TARBP1: variants seen among roughly 807,000 people sequenced by gnomAD.
The protein encoded by TARBP1 is tRNA guanosine 2 -O-methyltransferase TARBP1, also known as tRNA (guanosine(18)-2'-O)-methyltransferase TARBP1.
TARBP1 carries 144 observed loss-of-function variants against 178.6 expected under a neutral mutation model. The ratio of observed to expected loss-of-function variants is 0.81; its 90% CI spans 0.70 to 0.93. TARBP1 has a LOEUF of 0.93. Ranked by LOEUF, TARBP1 falls within the 40% of genes least tolerant of loss-of-function variation. The pLI is 0.00. For synonymous variants in TARBP1, 787 were observed against 781.0 expected (o/e 1.01, Z -0.13); for missense variants, 2,067 against 2,011.7 (o/e 1.03, Z -0.53).
chr1:234,433,199 C>A (rs1275632108), intron 14 of TARBP1, among the ~76,000 whole-genome samples: 2 of 152,166 alleles, frequency 1.3e-5, no homozygotes, highest in Admixed American at 1.3e-4. Context: ...GATGGTACCA[C>A]TGCACCCCAG....
intron 23 of TARBP1, chr1:234,407,456 C>T (rs1171406570): frequency 6.6e-6 from 1 of 151,658 alleles, no homozygotes. Context: ...TCCTGCCTCA[C>T]CTCCTGAGTA....
chr1:234,471,284 T>C, intron 2 of TARBP1, 27 bp from the exon 3 acceptor site: 1 of 1,466,642 alleles, frequency 6.8e-7, no homozygotes, highest in Non-Finnish European at 9.4e-7. Flanking sequence ...AAAAATCATA[T>C]GAAATGAAAA....
intron 26 of TARBP1, chr1:234,398,176 T>TA (rs1214609857): frequency 1.1e-5 from 4 of 351,030 alleles, no homozygotes; most frequent in Non-Finnish European, 2.0e-5. Context: ...TTTTTTTTTT[T>TA]AAATAGCTTT....
chr1:234,478,241 A>G lies in TARBP1; in HGVS notation c.863T>C (p.Leu288Pro), dbSNP rs750552069. The change falls in exon 1 of 30, where the codon CTG becomes CCG. Residue 288 changes from leucine to proline, a missense_variant. Transcript: ENST00000040877. ...CGCCGACACCTCCACCGCCCTCTGC[A>G]GCAGGTAGCGCGCTCGCTTGCGCGT... ...ALTRKRARYL[L>P]QRAVEVSAEL... 1 of 1,610,626 alleles carries G rather than the reference A, an allele frequency of 6.2e-7. No individual in the cohort carries two copies. The highest frequency in any genetic ancestry group is 8.5e-7 in the Non-Finnish European group (1 of 1,179,154).
intron 13 of TARBP1, 39 bp downstream of exon 13, chr1:234,437,231 GAATGA>G: frequency 9.6e-7 from 1 of 1,046,496 alleles, no homozygotes; most frequent in Non-Finnish European, 1.4e-6. Context: ...TTGGTGAAAA[GAATGA>G]AAGAAATGAA....
At chr1:234,440,207 C>T (rs901073741) in intron 12 of TARBP1, among the ~76,000 whole-genome samples, 2 of 151,950 alleles carry the variant, frequency 1.3e-5, no homozygotes, top group African/African-American at 4.8e-5. Context: ...TAAAGCAACA[C>T]TTGGAGGAAA....
intron 1 of TARBP1, among the ~76,000 whole-genome samples, chr1:234,477,727 T>C (rs576089254): frequency 1.4e-4 from 22 of 152,050 alleles, no homozygotes; most frequent in South Asian, 4.1e-4. Context: ...TTCAGAAGAG[T>C]GTGATGGCCT....
At chr1:234,437,516 C>G in intron 12 of TARBP1, 144 bp from the exon 13 acceptor site, 1 of 485,894 alleles carries the variant, frequency 2.1e-6, no homozygotes. Flanking sequence ...TAATCATTCA[C>G]CCCATGGGGA....
intron 10 of TARBP1, 138 bp downstream of exon 10, chr1:234,450,290 A>G (rs1255016223): frequency 1.7e-6 from 1 of 601,672 alleles, no homozygotes. Context: ...TTTTCACATT[A>G]TTTTACTGAA....
intron 3 of TARBP1, among the ~76,000 whole-genome samples, chr1:234,469,119 A>G (rs977492775): frequency 4.4e-5 from 6 of 137,506 alleles, no homozygotes; most frequent in Non-Finnish European, 7.8e-5. Flanking sequence ...CTTTCGCACC[A>G]ACCTAATAGC....
At chr1:234,452,639 G>A (rs545103882) in intron 9 of TARBP1, among the ~76,000 whole-genome samples, 19 of 152,282 alleles carry the variant, frequency 1.2e-4, no homozygotes, top group Non-Finnish European at 2.4e-4. Flanking sequence ...AGTATGGTTC[G>A]AAAGACAGCT....
At chr1:234,414,340 A>G (rs1662183711) in intron 22 of TARBP1, among the ~76,000 whole-genome samples, 1 of 152,194 alleles carries the variant, frequency 6.6e-6, no homozygotes, top group African/African-American at 2.4e-5. Flanking sequence ...AGTCATTCAC[A>G]TTAGGTAATA....
At position 234,465,635 on chromosome 1, in the gene TARBP1, CAT is replaced by C; in HGVS notation, c.1301+19_1301+20del. On this transcript the variant is annotated intron_variant, in intron 5 of 29. Coordinates refer to ENST00000040877, the MANE Select transcript of TARBP1 (RefSeq NM_005646.4). ...CATGAAATGTATGTATCAAATACTT[CAT>C]AACATAATGTCTCTTTACCTGCTAT... The C allele has an allele frequency of 6.6e-7, 1 of 1,513,026 alleles. No homozygotes were observed. Among genetic ancestry groups the C allele is most frequent in the Non-Finnish European group, 8.8e-7 (1 of 1,133,818 alleles). 93.7% of individuals were successfully genotyped at this position (1,513,026 alleles called of 1,614,324 possible).
intron 9 of TARBP1, among the ~76,000 whole-genome samples, chr1:234,451,033 A>G (rs1434414883): frequency 6.6e-6 from 1 of 152,234 alleles, no homozygotes; most frequent in Non-Finnish European, 1.5e-5. Flanking sequence ...GAGAGAATGT[A>G]GAATTTGAAA....
At chr1:234,466,521 A>C (rs942054991) in intron 4 of TARBP1, among the ~76,000 whole-genome samples, 1 of 151,820 alleles carries the variant, frequency 6.6e-6, no homozygotes, top group Non-Finnish European at 1.5e-5. Flanking sequence ...CAAAAACAAA[A>C]AAATTATATC....
At chr1:234,411,358 T>C (rs1206420595) in intron 22 of TARBP1, among the ~76,000 whole-genome samples, 1 of 152,176 alleles carries the variant, frequency 6.6e-6, no homozygotes, top group Non-Finnish European at 1.5e-5. Context: ...CCTCAGGTTT[T>C]GGCATCCGTA....
chr1:234,427,825 G>C, intron 17 of TARBP1, 59 bp from the exon 18 acceptor site: 1 of 1,221,832 alleles, frequency 8.2e-7, no homozygotes, highest in South Asian at 2.4e-5. Context: ...AATCAGTGCT[G>C]CTAAAAACTG....
At chr1:234,472,620 T>A (rs1669180049) in intron 2 of TARBP1, 94 bp downstream of exon 2, 1 of 766,472 alleles carries the variant, frequency 1.3e-6, no homozygotes, top group African/African-American at 1.8e-5. Flanking sequence ...CAGCTATATC[T>A]GAGTTAGTCT....
intron 9 of TARBP1, 121 bp downstream of exon 9, chr1:234,457,546 G>C: frequency 1.6e-6 from 1 of 613,940 alleles, no homozygotes; most frequent in East Asian, 3.6e-5. Flanking sequence ...ATATTTCAAA[G>C]TCTCTGCTGA....
Sources: gnomAD v4.1 joint callset for allele counts (sites outside exome capture counted in the v4.1 genomes callset) on GRCh38, gnomAD v4.1.1 for gene constraint, MANE v1.5 for transcripts, NCBI Gene and HGNC (gene_info 2026-07-23, HGNC 2026-07-21) for gene names.